Variants in STX8 observed in about 807,000 individuals in gnomAD.
STX8 encodes the protein syntaxin 8.
In STX8, 23 loss-of-function variants were observed where a neutral mutation model predicts 37.5. The ratio of observed to expected loss-of-function variants is 0.61; its 90% CI spans 0.44 to 0.87. The LOEUF (loss-of-function observed/expected upper bound fraction) is 0.87, where lower values mean the gene tolerates loss of function less well. STX8 is among the 40% of genes least tolerant of loss of function. The probability of loss-of-function intolerance (pLI) is 0.00; values close to 1 mark genes in which losing one functional copy is unlikely to be tolerated. For missense variants in STX8, 313 were observed against 284.7 expected, an observed-to-expected ratio of 1.10 and a Z score of -0.71; for synonymous variants, 115 against 99.1, an observed-to-expected ratio of 1.16 and a Z score of -0.95.
At chr17:9,348,157 G>A (rs1910593152) in intron 7 of STX8, among the ~76,000 whole-genome samples, 1 of 151,942 alleles carries the variant, frequency 6.6e-6, no homozygotes, top group Admixed American at 6.6e-5. Context: ...TGGGCGCGGT[G>A]GCTCACACCT....
intron 6 of STX8, among the ~76,000 whole-genome samples, chr17:9,415,966 T>C (rs1913178065): frequency 6.6e-6 from 1 of 152,206 alleles, no homozygotes; most frequent in Admixed American, 6.5e-5. Context: ...CCCTGGCTGC[T>C]CTTGCTTGTA....
At chr17:9,278,983 C>A (rs944866270) in intron 7 of STX8, among the ~76,000 whole-genome samples, 2 of 152,082 alleles carry the variant, frequency 1.3e-5, no homozygotes, top group Admixed American at 1.3e-4. Flanking sequence ...ATCTTCCATA[C>A]CCCTCTCTAA....
intron 2 of STX8, among the ~76,000 whole-genome samples, chr17:9,559,760 A>ATATATATATATTTTT: frequency 0.014 from 341 of 24,478 alleles, 11 homozygotes; most frequent in East Asian, 0.024. Flanking sequence ...ATATATATAT[A>ATATATATATATTTTT]TTTTTTTTTT....
intron 7 of STX8, among the ~76,000 whole-genome samples, chr17:9,344,853 A>G (rs1276187483): frequency 3.3e-5 from 5 of 152,214 alleles, no homozygotes; most frequent in Non-Finnish European, 7.3e-5. Context: ...CAACACACCC[A>G]GCCTTTGCAT....
intron 5 of STX8, among the ~76,000 whole-genome samples, chr17:9,494,237 G>A (rs1254856120): frequency 1.3e-5 from 2 of 151,492 alleles, no homozygotes; most frequent in Non-Finnish European, 3.0e-5. Context: ...GGATGGTCTC[G>A]AGCTCCTGAC....
intron 7 of STX8, among the ~76,000 whole-genome samples, chr17:9,355,760 A>T (rs1269197545): frequency 1.3e-5 from 2 of 151,978 alleles, no homozygotes; most frequent in African/African-American, 4.8e-5. Context: ...TGCCCGCCTC[A>T]GCCTCCCAAA....
chr17:9,390,500 C>G (rs1420270369), intron 6 of STX8, among the ~76,000 whole-genome samples: 2 of 146,688 alleles, frequency 1.4e-5, no homozygotes, highest in African/African-American at 2.5e-5. Context: ...ACGGCCTGGA[C>G]AGCAAGAGCG....
chr17:9,356,162 A>C (rs1910875655), intron 7 of STX8, among the ~76,000 whole-genome samples: 1 of 152,178 alleles, frequency 6.6e-6, no homozygotes, highest in Non-Finnish European at 1.5e-5. Flanking sequence ...TGGTAGGTCC[A>C]TTTGTCAAGC....
chr17:9,495,824 G>A (rs1597707950), intron 5 of STX8, among the ~76,000 whole-genome samples: 2 of 152,314 alleles, frequency 1.3e-5, no homozygotes, highest in East Asian at 3.9e-4. Flanking sequence ...CATTTCTAAG[G>A]GGAAGGTGGT....
At chr17:9,293,378 G>A (rs995573498) in intron 7 of STX8, among the ~76,000 whole-genome samples, 1 of 152,072 alleles carries the variant, frequency 6.6e-6, no homozygotes. Flanking sequence ...AACAGTGTCT[G>A]CAGCCACTGC....
At chr17:9,343,374 T>C (rs1051343662) in intron 7 of STX8, among the ~76,000 whole-genome samples, 1 of 152,196 alleles carries the variant, frequency 6.6e-6, no homozygotes, top group Non-Finnish European at 1.5e-5. Flanking sequence ...ACAGCCACAT[T>C]GGAGCCATGA....
chr17:9,333,251 C>T (rs1910019454), intron 7 of STX8, among the ~76,000 whole-genome samples: 1 of 152,262 alleles, frequency 6.6e-6, no homozygotes, highest in South Asian at 2.1e-4. Context: ...TGCTCCCCTC[C>T]CTCTCTCCCC....
chr17:9,500,389 C>T (rs181175825), intron 5 of STX8, among the ~76,000 whole-genome samples: 4 of 152,216 alleles, frequency 2.6e-5, no homozygotes, highest in East Asian at 1.9e-4. Context: ...AAGACTGCCC[C>T]GGATTACTAC....
intron 7 of STX8, among the ~76,000 whole-genome samples, chr17:9,255,557 TATAA>T (rs35589958): frequency 0.041 from 4,527 of 109,750 alleles, 175 homozygotes; most frequent in African/African-American, 0.14. Context: ...TAAATAAATA[TATAA>T]ATAAATAAAT....
At chr17:9,411,628 T>C (rs1912981852) in intron 6 of STX8, among the ~76,000 whole-genome samples, 1 of 152,204 alleles carries the variant, frequency 6.6e-6, no homozygotes, top group South Asian at 2.1e-4. Flanking sequence ...TAATCAATGT[T>C]AAAACAATAT....
At chr17:9,462,658 G>A (rs1905446525) in intron 6 of STX8, among the ~76,000 whole-genome samples, 1 of 151,774 alleles carries the variant, frequency 6.6e-6, no homozygotes, top group South Asian at 2.1e-4. Flanking sequence ...GGAAGGTGGA[G>A]GTTGCAGTGA....
intron 7 of STX8, among the ~76,000 whole-genome samples, chr17:9,315,343 A>G (rs1909348910): frequency 1.3e-5 from 2 of 151,780 alleles, no homozygotes; most frequent in South Asian, 4.2e-4. Flanking sequence ...CTGCTGATTT[A>G]CCCAACTGAC....
At chr17:9,543,604 C>A (rs1013956897) in intron 4 of STX8, among the ~76,000 whole-genome samples, 1 of 152,160 alleles carries the variant, frequency 6.6e-6, no homozygotes, top group Non-Finnish European at 1.5e-5. Context: ...TGCACCCAGG[C>A]GACAGTACTT....
chr17:9,510,699 C>T (rs542918193), intron 4 of STX8, among the ~76,000 whole-genome samples: 1 of 151,834 alleles, frequency 6.6e-6, no homozygotes, highest in East Asian at 1.9e-4. Context: ...AACAATGTAT[C>T]TCAAGGAAAC....
Sources: gnomAD v4.1 joint callset for allele counts (sites outside exome capture counted in the v4.1 genomes callset) on GRCh38, gnomAD v4.1.1 for gene constraint, MANE v1.5 for transcripts, NCBI Gene and HGNC (gene_info 2026-07-23, HGNC 2026-07-21) for gene names.